CADM2: variants seen among roughly 807,000 people sequenced by gnomAD.
CADM2 encodes cell adhesion molecule 2, also known as immunoglobulin superfamily member 4D.
CADM2 carries 12 observed loss-of-function variants against 49.8 expected under a neutral mutation model. That is an observed-to-expected ratio of 0.24 (90% CI 0.15 to 0.39). The LOEUF (loss-of-function observed/expected upper bound fraction) is 0.39. CADM2 is among the 10% of genes least tolerant of loss of function. CADM2 has a pLI of 1.00. For missense variants in CADM2, 378 were observed against 492.3 expected, an observed-to-expected ratio of 0.77 and a Z score of 2.20; for synonymous variants, 214 against 175.4, an observed-to-expected ratio of 1.22 and a Z score of -1.74.
rs192558939 is a variant in CADM2, at chr3:85,302,695, C to T, written c.61+343027C>T. 9.2e-5 allele frequency among the ~76,000 whole-genome samples: 14 copies of T among 152,026 alleles called. No homozygotes were observed. The East Asian group carries it at 2.7e-3, about 29-fold the overall frequency. On this transcript the variant is annotated intron_variant, in intron 1 of 9. Coordinates refer to ENST00000383699, the MANE Select transcript of CADM2 (RefSeq NM_001167675.2). ...TAACATACATATGCGGCCATGTTTT[C>T]CTTAACATCACTGCATTATATCTGT...
rs576138743 is a variant in CADM2, at chr3:85,011,525, T to A, written c.61+51857T>A. On this transcript the variant is annotated intron_variant, in intron 1 of 9. Coordinates refer to ENST00000383699, the MANE Select transcript of CADM2 (RefSeq NM_001167675.2). ...ATTCCATGCTGTGTGTAGAATTTAG[T>A]AATTTATTTTTGAAGTAAGATATGC... 3.3e-5 allele frequency among the ~76,000 whole-genome samples: 5 copies of A among 152,330 alleles called. No individual in the cohort carries two copies. In the South Asian group the frequency reaches 1.0e-3, roughly 32 times the overall value.
intron 1 of CADM2, among the ~76,000 whole-genome samples, chr3:85,661,500 G>T (rs906700959): frequency 1.6e-4 from 24 of 152,056 alleles, no homozygotes; most frequent in Admixed American, 1.4e-3. Context: ...CTTGCTTCCT[G>T]ATGTTCTTCT....
At chr3:85,402,762 A>G (rs565477547) in intron 1 of CADM2, among the ~76,000 whole-genome samples, 4 of 152,202 alleles carry the variant, frequency 2.6e-5, no homozygotes, top group South Asian at 2.1e-4. Context: ...GTTAGAAGCT[A>G]TAATCAAAAA....
chr3:85,401,633 C>T (rs574337785), intron 1 of CADM2, among the ~76,000 whole-genome samples: 1 of 152,230 alleles, frequency 6.6e-6, no homozygotes, highest in East Asian at 1.9e-4. Flanking sequence ...TAGTTTCAAT[C>T]GATTTTCCCT....
intron 1 of CADM2, among the ~76,000 whole-genome samples, chr3:85,077,409 C>G (rs76344100): frequency 0.026 from 3,965 of 151,994 alleles, 127 homozygotes; most frequent in African/African-American, 0.075. Context: ...AGATATCTCT[C>G]TTTTTTAATA....
intron 1 of CADM2, among the ~76,000 whole-genome samples, chr3:85,562,073 T>C (rs2062110249): frequency 6.6e-6 from 1 of 152,134 alleles, no homozygotes; most frequent in Admixed American, 6.6e-5. Context: ...ACCATAGTAC[T>C]TGGAGCTAGG....
chr3:85,141,568 C>A lies in CADM2; in HGVS notation c.61+181900C>A, dbSNP rs1462772620. The stretch of plus-strand genomic sequence containing the variant: ...CTCAAGGGTAAACCCTATTATATAT[C>A]ATGTGTCAAACATAACAATATGTAA... On this transcript the variant is annotated intron_variant, in intron 1 of 9. Transcript: ENST00000383699. Among the ~76,000 whole-genome samples the A allele has an allele frequency of 2.0e-5, 3 of 152,242 alleles. No homozygotes were observed. The East Asian group carries it at 5.8e-4, about 29-fold the overall frequency.
At chr3:85,702,114 G>A (rs2066796913) in intron 1 of CADM2, among the ~76,000 whole-genome samples, 1 of 152,046 alleles carries the variant, frequency 6.6e-6, no homozygotes, top group South Asian at 2.1e-4. Context: ...GTAGCATAGG[G>A]CTGTGCTACC....
In CADM2 at chr3:85,784,733, G is replaced by C. The variant is rs559923478; in HGVS notation, c.89-17314G>C. Among the ~76,000 whole-genome samples the C allele has an allele frequency of 2.0e-5, 3 of 152,210 alleles. No individual in the cohort carries two copies. The South Asian group carries it at 6.2e-4, about 32-fold the overall frequency. On this transcript the variant is annotated intron_variant, in intron 2 of 9. Transcript: ENST00000383699. ...GCATCTATGTTCATCAGAGATATTA[G>C]CCTGTAGTTTTTGCCTTTGTGTGTG...
intron 1 of CADM2, among the ~76,000 whole-genome samples, chr3:85,615,238 AAAG>A (rs1366813245): frequency 6.6e-6 from 1 of 151,858 alleles, no homozygotes; most frequent in East Asian, 1.9e-4. Flanking sequence ...GAGAGAAAGA[AAAG>A]AAAGAAAGAG....
chr3:86,050,045 A>T (rs992156745), intron 8 of CADM2, among the ~76,000 whole-genome samples: 16 of 152,170 alleles, frequency 1.1e-4, no homozygotes, highest in Non-Finnish European at 5.9e-5. Context: ...TCAAAGTCTC[A>T]TCTGGGACTA....
intron 1 of CADM2, among the ~76,000 whole-genome samples, chr3:85,132,875 T>C (rs2039279011): frequency 6.6e-6 from 1 of 152,172 alleles, no homozygotes; most frequent in Non-Finnish European, 1.5e-5. Context: ...TTCGCTGACT[T>C]CAAGAATGAA....
intron 1 of CADM2, among the ~76,000 whole-genome samples, chr3:85,173,033 C>T (rs1469969205): frequency 6.9e-5 from 10 of 145,634 alleles, no homozygotes; most frequent in South Asian, 2.1e-4. Flanking sequence ...CTTGCTCTGT[C>T]GCCCAGGCTG....
intron 8 of CADM2, among the ~76,000 whole-genome samples, chr3:85,999,579 AAGGGAGGGAGGGAGAGGGAGGG>A (rs1729893606): frequency 7.6e-6 from 1 of 132,004 alleles, no homozygotes; most frequent in South Asian, 3.0e-4. Flanking sequence ...GGAAGGAAGG[AAGGGAGGGAGGGAGAGGGAGGG>A]AGGGAAAGAG....
chr3:85,515,425 C>CTT (rs10662116), intron 1 of CADM2, among the ~76,000 whole-genome samples: 66,619 of 141,582 alleles, frequency 0.47, 17,739 homozygotes, highest in Non-Finnish European at 0.59. Context: ...TTGTTTGTTT[C>CTT]TTTTTTTTTT....
chr3:85,597,317 A>G (rs1396577766), intron 1 of CADM2, among the ~76,000 whole-genome samples: 1 of 152,104 alleles, frequency 6.6e-6, no homozygotes, highest in East Asian at 1.9e-4. Context: ...TCTTAGCACT[A>G]CAGTCATGCT....
intron 1 of CADM2, among the ~76,000 whole-genome samples, chr3:85,488,661 A>G (rs1037707227): frequency 5.3e-5 from 8 of 152,060 alleles, no homozygotes; most frequent in Non-Finnish European, 8.8e-5. Context: ...CCTCCCAAGT[A>G]GCTGGGATTA....
intron 1 of CADM2, among the ~76,000 whole-genome samples, chr3:85,065,417 CTT>C (rs748683991): frequency 7.9e-5 from 12 of 152,000 alleles, no homozygotes; most frequent in Non-Finnish European, 1.5e-4. Context: ...TGTGTTGTCT[CTT>C]TTTTAATCAT....
intron 2 of CADM2, among the ~76,000 whole-genome samples, chr3:85,775,068 ATG>A (rs1218263005): frequency 1.3e-5 from 2 of 151,766 alleles, no homozygotes; most frequent in African/African-American, 4.8e-5. Context: ...CACTTTTATC[ATG>A]TGATTTTCAT....
Sources: gnomAD v4.1 joint callset for allele counts (sites outside exome capture counted in the v4.1 genomes callset) on GRCh38, gnomAD v4.1.1 for gene constraint, MANE v1.5 for transcripts, NCBI Gene and HGNC (gene_info 2026-07-23, HGNC 2026-07-21) for gene names.